Variants in NEDD4L observed in about 807,000 individuals in gnomAD.
NEDD4L encodes the protein E3 ubiquitin-protein ligase NEDD4-like.
Under a neutral mutation model 148.9 loss-of-function variants are expected in NEDD4L, and 54 were observed. The ratio of observed to expected loss-of-function variants is 0.36; its 90% CI spans 0.29 to 0.45. NEDD4L has a LOEUF of 0.45. NEDD4L is among the 20% of genes least tolerant of loss of function. NEDD4L has a pLI of 1.00. For synonymous variants in NEDD4L, 433 were observed against 440.7 expected, an observed-to-expected ratio of 0.98 and a Z score of 0.22; for missense variants, 856 against 1,233.8, an observed-to-expected ratio of 0.69 and a Z score of 4.59.
At chr18:58,333,012 C>T (rs889046159) in intron 11 of NEDD4L, among the ~76,000 whole-genome samples, 2 of 152,016 alleles carry the variant, frequency 1.3e-5, no homozygotes, top group Non-Finnish European at 2.9e-5. Flanking sequence ...CATGGAGGCT[C>T]ACACCTGTAA....
intron 1 of NEDD4L, among the ~76,000 whole-genome samples, chr18:58,063,057 TTTTTTTG>T (rs1238619951): frequency 3.2e-5 from 2 of 62,284 alleles, no homozygotes; most frequent in South Asian, 8.7e-4. Context: ...TTTTTTTTTT[TTTTTTTG>T]AGACAGTATC....
At chr18:58,152,797 T>A (rs184856819) in intron 1 of NEDD4L, among the ~76,000 whole-genome samples, 1 of 152,280 alleles carries the variant, frequency 6.6e-6, no homozygotes, top group East Asian at 1.9e-4. Context: ...TCCAAAAAAT[T>A]GGTACTCTGG....
At chr18:58,090,315 G>T (rs7241822) in intron 1 of NEDD4L, among the ~76,000 whole-genome samples, 12,539 of 152,206 alleles carry the variant, frequency 0.082, 620 homozygotes, top group Admixed American at 0.15. Flanking sequence ...ATTAACATGT[G>T]CCTTTGGGGG....
chr18:58,169,100 T>C (rs979570023), intron 2 of NEDD4L, among the ~76,000 whole-genome samples: 9 of 152,170 alleles, frequency 5.9e-5, no homozygotes, highest in African/African-American at 1.4e-4. Context: ...TAGCTGGAGG[T>C]GGCCCCTTCC....
At position 58,250,919 on chromosome 18, in the gene NEDD4L, T is replaced by C. The variant is rs117864250; in HGVS notation, c.244-1082T>C. Among the ~76,000 whole-genome samples, 405 of 152,252 alleles carry C rather than the reference T, an allele frequency of 2.7e-3. 2 individuals are homozygous for C. Among genetic ancestry groups the C allele is most frequent in the Non-Finnish European group, 4.1e-3 (282 of 67,996 alleles). ...TGAGTTTGGAAGATGATATGGGCCA[T>C]TTTGGTGAGGTTTTGGTAAGGAAAA... On this transcript the variant is annotated intron_variant, in intron 4 of 30. Transcript: ENST00000400345.
intron 2 of NEDD4L, among the ~76,000 whole-genome samples, chr18:58,229,389 C>T (rs1434340291): frequency 2.6e-5 from 4 of 152,156 alleles, no homozygotes; most frequent in African/African-American, 9.6e-5. Context: ...GCAGATGGCA[C>T]GGTAACAAAG....
intron 1 of NEDD4L, among the ~76,000 whole-genome samples, chr18:58,071,039 A>AACAC (rs112714314): frequency 2.2e-4 from 34 of 151,420 alleles, no homozygotes; most frequent in African/African-American, 5.6e-4. Flanking sequence ...AGGTTAAAAA[A>AACAC]ACACACACAC....
intron 1 of NEDD4L, chr18:58,047,209 A>G (rs931530996): frequency 4.1e-6 from 4 of 983,354 alleles, no homozygotes; most frequent in African/African-American, 1.7e-5. Flanking sequence ...GTGCTGCAGA[A>G]TATCACATAT....
rs568683609 is a variant in NEDD4L at position 58,363,648 on chromosome 18, A to G, written c.1768-620A>G. On this transcript the variant is annotated intron_variant, in intron 19 of 30. Transcript: ENST00000400345. ...TTCCTGAGCCCTCAACTGGGGTACT[A>G]TCACTCTATTTCATAGATAAAGCAT... is the stretch of plus-strand genomic sequence containing the variant. 4.6e-5 allele frequency among the ~76,000 whole-genome samples: 7 copies of G among 152,334 alleles called. No homozygotes were observed. In the East Asian group the frequency reaches 1.3e-3, roughly 29 times the overall value.
At chr18:58,297,044 G>A (rs1042257179) in intron 5 of NEDD4L, among the ~76,000 whole-genome samples, 5 of 152,150 alleles carry the variant, frequency 3.3e-5, no homozygotes, top group South Asian at 2.1e-4. Context: ...CCGAGATCAC[G>A]CCACTGCACT....
chr18:58,307,299 TAGCAGGA>T (rs2057185217), intron 5 of NEDD4L, among the ~76,000 whole-genome samples: 1 of 145,138 alleles, frequency 6.9e-6, no homozygotes, highest in Admixed American at 6.7e-5. Flanking sequence ...GGAAGCACAC[TAGCAGGA>T]CTCCAGCTTG....
intron 1 of NEDD4L, among the ~76,000 whole-genome samples, chr18:58,114,816 C>T (rs1446814702): frequency 1.3e-5 from 2 of 152,212 alleles, no homozygotes; most frequent in African/African-American, 4.8e-5. Flanking sequence ...TCATTGTCCC[C>T]TCCCTGCGTT....
At chr18:58,389,351 C>G (rs2049480374) in intron 28 of NEDD4L, 159 bp downstream of exon 28, 1 of 567,220 alleles carries the variant, frequency 1.8e-6, no homozygotes, top group East Asian at 2.8e-5. Context: ...ACTGAGCCAG[C>G]AGCCCCGTGG....
chr18:58,253,488 T>C (rs2048158488), intron 5 of NEDD4L, among the ~76,000 whole-genome samples: 2 of 152,230 alleles, frequency 1.3e-5, no homozygotes, highest in South Asian at 2.1e-4. Flanking sequence ...AAGTACTTTC[T>C]TGTGAAATTG....
Position 58,394,204 on chromosome 18 carries a change from A to G in NEDD4L, c.2826-1963A>G, listed in dbSNP as rs559545957. Among the ~76,000 whole-genome samples the G allele has an allele frequency of 7.9e-5, 12 of 152,366 alleles. No homozygotes were observed. The South Asian group carries it at 1.9e-3, about 24-fold the overall frequency. ...GTTCATTCCGGGGATGGTGCTCAGC[A>G]CTTGATGCGATTGACTCATACCATC... is the stretch of plus-strand genomic sequence containing the variant. On this transcript the variant is annotated intron_variant, in intron 30 of 30. Transcript: ENST00000400345.
chr18:58,127,947 A>G (rs2031432329), intron 1 of NEDD4L, among the ~76,000 whole-genome samples: 1 of 152,116 alleles, frequency 6.6e-6, no homozygotes, highest in East Asian at 1.9e-4. Flanking sequence ...GCTCACTGCA[A>G]ACCCCACCTC....
chr18:58,076,490 A>G (rs2083164553), intron 1 of NEDD4L, among the ~76,000 whole-genome samples: 1 of 152,198 alleles, frequency 6.6e-6, no homozygotes, highest in Non-Finnish European at 1.5e-5. Flanking sequence ...TTTTAGTGGA[A>G]TATTAGGATA....
At chr18:58,068,390 G>A (rs954590285) in intron 1 of NEDD4L, among the ~76,000 whole-genome samples, 12 of 151,852 alleles carry the variant, frequency 7.9e-5, no homozygotes, top group Admixed American at 4.6e-4. Context: ...TAGTAGAGAC[G>A]GGGTTTCACC....
chr18:58,100,180 C>G (rs1472269596), intron 1 of NEDD4L, among the ~76,000 whole-genome samples: 1 of 152,110 alleles, frequency 6.6e-6, no homozygotes. Flanking sequence ...TTTTCCCTGT[C>G]TGGAGTGGGG....
Sources: allele counts gnomAD v4.1 joint callset (sites outside exome capture counted in the v4.1 genomes callset), GRCh38; gene constraint gnomAD v4.1.1; transcripts MANE v1.5; gene names NCBI Gene and HGNC (gene_info 2026-07-23, HGNC 2026-07-21).